FAM228B: variants seen among roughly 807,000 people sequenced by gnomAD.
The protein encoded by FAM228B is family with sequence similarity 228 member B, also known as protein FAM228B.
In FAM228B, 38 loss-of-function variants were observed where a neutral mutation model predicts 42.6. The ratio of observed to expected loss-of-function variants is 0.89; its 90% CI spans 0.69 to 1.17. FAM228B has a LOEUF of 1.17. FAM228B is among the 50% of genes most tolerant of loss of function. The pLI, the probability that FAM228B is intolerant of heterozygous loss-of-function variation, is 0.00. For missense variants in FAM228B, 344 were observed against 367.3 expected, an observed-to-expected ratio of 0.94 and a Z score of 0.52; for synonymous variants, 109 against 122.3, an observed-to-expected ratio of 0.89 and a Z score of 0.72.
intron 2 of FAM228B, among the ~76,000 whole-genome samples, chr2:24,129,797 T>C (rs1434771503): frequency 6.6e-6 from 1 of 152,138 alleles, no homozygotes; most frequent in African/African-American, 2.4e-5. Context: ...GTCAATATAA[T>C]TTTCTTTTTA....
At chr2:24,098,260 A>C (rs1331893995) in intron 3 of FAM228B, among the ~76,000 whole-genome samples, 1 of 152,224 alleles carries the variant, frequency 6.6e-6, no homozygotes, top group Non-Finnish European at 1.5e-5. Flanking sequence ...AAAAGCTAGC[A>C]GAAGGCAAGA....
chr2:24,107,470 A>C (rs1014605832), intron 3 of FAM228B, among the ~76,000 whole-genome samples: 3 of 152,190 alleles, frequency 2.0e-5, no homozygotes, highest in Non-Finnish European at 4.4e-5. Context: ...AAACAACAGA[A>C]TATACATTCT....
intron 3 of FAM228B, among the ~76,000 whole-genome samples, chr2:24,100,067 T>G (rs1242653070): frequency 1.3e-5 from 2 of 152,158 alleles, no homozygotes; most frequent in Non-Finnish European, 2.9e-5. Context: ...GCTAGCCATA[T>G]GTAGAAAGCT....
chr2:24,143,014 A>G (rs982275865), intron 5 of FAM228B, among the ~76,000 whole-genome samples: 1 of 152,234 alleles, frequency 6.6e-6, no homozygotes, highest in African/African-American at 2.4e-5. Context: ...ACTTAGTAGA[A>G]GAGTATGAAA....
chr2:24,154,812 G>A (rs1667098486), intron 7 of FAM228B, among the ~76,000 whole-genome samples: 1 of 152,128 alleles, frequency 6.6e-6, no homozygotes, highest in Admixed American at 6.5e-5. Flanking sequence ...TGCCCTTGGG[G>A]TGAGAGCACC....
intron 7 of FAM228B, among the ~76,000 whole-genome samples, chr2:24,154,259 G>T (rs1164970116): frequency 2.6e-5 from 4 of 152,224 alleles, no homozygotes; most frequent in African/African-American, 9.7e-5. Flanking sequence ...GGAATAAAGG[G>T]TGTAAGCTTC....
intron 9 of FAM228B, among the ~76,000 whole-genome samples, chr2:24,167,215 G>A (rs1288261405): frequency 1.3e-5 from 2 of 152,196 alleles, no homozygotes; most frequent in African/African-American, 4.8e-5. Flanking sequence ...AGGCTCCAGC[G>A]TGGGTGGAGA....
At chr2:24,139,047 A>C (rs778495709) in intron 4 of FAM228B, among the ~76,000 whole-genome samples, 3 of 152,188 alleles carry the variant, frequency 2.0e-5, no homozygotes, top group Non-Finnish European at 4.4e-5. Flanking sequence ...CGAAGCTCTA[A>C]AATATAGCTG....
chr2:24,137,932 T>A lies in FAM228B; in HGVS notation c.192T>A (p.His64Gln), dbSNP rs1247451612. Residue 64 changes from histidine to glutamine, a missense_variant, in exon 4 of 11, where the codon CAT becomes CAA. Transcript: ENST00000615575. Reference sequence around the variant, plus strand: ...AGGAACTAGATAAGTATTTACAACATCATGCCTTCTTAAATGCAAGAAGAA... The same window carrying A: ...AGGAACTAGATAAGTATTTACAACAACATGCCTTCTTAAATGCAAGAAGAA... ...VIKELDKYLQ[H>Q]HAFLNARRKE... 2 of 1,537,874 alleles carry A rather than the reference T, an allele frequency of 1.3e-6. No individual in the cohort carries two copies. Among genetic ancestry groups the A allele is most frequent in the South Asian group, 2.5e-5 (2 of 80,370 alleles).
At chr2:24,102,807 T>C (rs1665631424) in intron 3 of FAM228B, among the ~76,000 whole-genome samples, 1 of 152,240 alleles carries the variant, frequency 6.6e-6, no homozygotes, top group Non-Finnish European at 1.5e-5. Context: ...TTAACTCATT[T>C]ATGGAAAACA....
At chr2:24,144,988 A>G (rs1324151274) in intron 5 of FAM228B, among the ~76,000 whole-genome samples, 1 of 152,132 alleles carries the variant, frequency 6.6e-6, no homozygotes, top group African/African-American at 2.4e-5. Context: ...AGACTGGCCC[A>G]CCCAGCCTGT....
chr2:24,167,800 G>T (rs906579794), intron 10 of FAM228B, 117 bp downstream of exon 10: 12 of 1,231,770 alleles, frequency 9.7e-6, no homozygotes, highest in Non-Finnish European at 1.4e-5. Context: ...GAAATAATGG[G>T]TGGGTAGGAA....
chr2:24,105,356 A>G (rs1040358145), intron 3 of FAM228B, among the ~76,000 whole-genome samples: 3 of 152,220 alleles, frequency 2.0e-5, no homozygotes, highest in Non-Finnish European at 4.4e-5. Flanking sequence ...CTAGGAGTGG[A>G]CTAGAATTGA....
chr2:24,136,468 C>T (rs1666591539), intron 3 of FAM228B, among the ~76,000 whole-genome samples: 1 of 152,202 alleles, frequency 6.6e-6, no homozygotes, highest in Admixed American at 6.5e-5. Context: ...AAGTGATCTG[C>T]CCACCTCGGC....
chr2:24,103,298 C>T lies in FAM228B; in HGVS notation c.-121+8069C>T, dbSNP rs1028500081. On this transcript the variant is annotated intron_variant, in intron 3 of 10. Coordinates refer to the FAM228B transcript ENST00000613899. ...TAGCTTTGACATCAGTCCTCAACTA[C>T]AGCAGATCTTTTTCAGGAAAGTACG... Among the ~76,000 whole-genome samples the T allele has an allele frequency of 2.0e-5, 3 of 152,330 alleles. No homozygotes were observed. The East Asian group carries it at 5.8e-4, about 29-fold the overall frequency.
At chr2:24,132,832 C>T (rs763901769) in intron 2 of FAM228B, among the ~76,000 whole-genome samples, 5 of 152,152 alleles carry the variant, frequency 3.3e-5, no homozygotes, top group Admixed American at 6.6e-5. Flanking sequence ...TGAACTCAAT[C>T]TCCAAACTTG....
At chr2:24,082,910 G>A (rs764247223) in intron 2 of FAM228B, 8 of 1,611,038 alleles carry the variant, frequency 5.0e-6, no homozygotes, top group Admixed American at 3.3e-5. Flanking sequence ...GCTGGAAGGC[G>A]GTGAGCCAGG....
intron 7 of FAM228B, among the ~76,000 whole-genome samples, chr2:24,160,598 T>C (rs1667262929): frequency 6.6e-6 from 1 of 152,082 alleles, no homozygotes. Flanking sequence ...AATTTCCTTT[T>C]TTCCCCCCAA....
upstream of FAM228B, among the ~76,000 whole-genome samples, chr2:24,122,200 C>A (rs923816842): frequency 6.6e-6 from 1 of 151,978 alleles, no homozygotes; most frequent in Non-Finnish European, 1.5e-5. Context: ...GGCCTGGTAG[C>A]GCACTCCTGT....
Sources: allele counts gnomAD v4.1 joint callset (sites outside exome capture counted in the v4.1 genomes callset), GRCh38; gene constraint gnomAD v4.1.1; transcripts MANE v1.5; gene names NCBI Gene and HGNC (gene_info 2026-07-23, HGNC 2026-07-21).